The following CHRNB4 variants were observed in gnomAD, a reference collection of about 807,000 sequenced individuals.
CHRNB4 encodes the protein cholinergic receptor nicotinic beta 4 subunit.
A neutral mutation model predicts 40.4 loss-of-function variants in CHRNB4; 23 were observed. The ratio of observed to expected loss-of-function variants is 0.57; its 90% CI spans 0.41 to 0.81. The LOEUF (loss-of-function observed/expected upper bound fraction) is 0.81, where lower values mean the gene tolerates loss of function less well. CHRNB4 is among the 30% of genes least tolerant of loss of function. The pLI is 0.00. For synonymous variants in CHRNB4, 285 were observed against 274.4 expected, an observed-to-expected ratio of 1.04 and a Z score of -0.38; for missense variants, 568 against 670.6, an observed-to-expected ratio of 0.85 and a Z score of 1.69.
chr15:78,626,096 G>T, intron 5 of CHRNB4: 1 of 152,444 alleles, frequency 6.6e-6, no homozygotes, highest in Non-Finnish European at 1.5e-5. Flanking sequence ...TCGGAGATCA[G>T]CAGAGGCTCT....
intron 5 of CHRNB4, among the ~76,000 whole-genome samples, chr15:78,653,720 T>C (rs1178111267): frequency 1.3e-5 from 2 of 152,212 alleles, no homozygotes; most frequent in African/African-American, 4.8e-5. Flanking sequence ...GCGAGAGTCC[T>C]AGGGCCTGCC....
At chr15:78,631,420 C>G in intron 2 of CHRNB4, 88 bp from the exon 3 acceptor site, 1 of 1,361,462 alleles carries the variant, frequency 7.3e-7, no homozygotes, top group Non-Finnish European at 1.0e-6. Context: ...GCTGTGAGCT[C>G]CAGGCCCACG....
At chr15:78,652,593 A>C (rs2054182536) in exon 6 of CHRNB4, 1 of 152,234 alleles carries the variant, frequency 6.6e-6, no homozygotes, top group Admixed American at 6.5e-5. Context: ...TCAGTCTCAG[A>C]GAATCCTCTC....
At chr15:78,632,180 T>C (rs552435309) in intron 2 of CHRNB4, among the ~76,000 whole-genome samples, 3 of 13,470 alleles carry the variant, frequency 2.2e-4, no homozygotes, top group African/African-American at 7.9e-4. Context: ...TCTCTTTCTT[T>C]CTTTCTTTCT....
chr15:78,640,603 G>A (rs2054048785), intron 1 of CHRNB4, among the ~76,000 whole-genome samples: 1 of 152,228 alleles, frequency 6.6e-6, no homozygotes, highest in African/African-American at 2.4e-5. Context: ...CTCTAAGGCT[G>A]AGCAGCAGAT....
upstream of CHRNB4, among the ~76,000 whole-genome samples, chr15:78,641,830 A>G (rs1461545971): frequency 3.3e-5 from 5 of 152,310 alleles, no homozygotes; most frequent in Middle Eastern, 3.4e-3. Context: ...TGGGCTGAAC[A>G]GAGGCCGCTC....
chr15:78,632,173 CTTT>C (rs2053829773), intron 2 of CHRNB4, among the ~76,000 whole-genome samples: 5 of 7,674 alleles, frequency 6.5e-4, no homozygotes, highest in African/African-American at 1.7e-3. Flanking sequence ...TTTTCTTTCT[CTTT>C]CTTTCTTTCT....
chr15:78,634,586 C>T (rs1596109475), intron 2 of CHRNB4: 1 of 404,604 alleles, frequency 2.5e-6, no homozygotes, highest in Non-Finnish European at 5.0e-6. Context: ...GCCAACCGTG[C>T]TAGAGAGAGA....
At position 78,641,015 on chromosome 15, in the gene CHRNB4, G is replaced by A; in HGVS notation, c.55+64C>T. The A allele has an allele frequency of 2.7e-6, 4 of 1,496,300 alleles. No homozygotes were observed. In the South Asian group the frequency reaches 3.6e-5, roughly 14 times the overall value. The allele number at this position is 1,496,300 out of a possible 1,614,324, so 92.7% of individuals were successfully genotyped here. A position where few individuals can be genotyped will look rare whatever the true frequency, so the allele number is the denominator to read the frequency against. Reference sequence around the variant, plus strand: ...GCACCCTCCCTTCCCTCCCACCTGTGGCCAGTCCAGCCCCTTTCAGCCCAA... The same window carrying A: ...GCACCCTCCCTTCCCTCCCACCTGTAGCCAGTCCAGCCCCTTTCAGCCCAA... On this transcript the variant is annotated intron_variant, in intron 1 of 5. Transcript: ENST00000261751.
In CHRNB4 at chr15:78,647,084, G is replaced by A. The variant is rs117846735; in HGVS notation, c.46+2295C>T. ...GAGCCCAGGAGTTTGAGGCTGCAGT[G>A]AGTTGTGATTGAGCCACTGCACTCC... On this transcript the variant is annotated intron_variant and NMD_transcript_variant, in intron 7 of 11. Transcript: ENST00000559849. Among the ~76,000 whole-genome samples the A allele has an allele frequency of 0.011, 1,692 of 152,330 alleles. 218 individuals are homozygous for A. In the East Asian group the frequency reaches 0.29, roughly 26 times the overall value.
intron 5 of CHRNB4, among the ~76,000 whole-genome samples, chr15:78,653,213 AT>A (rs917134312): frequency 6.6e-6 from 1 of 152,242 alleles, no homozygotes; most frequent in African/African-American, 2.4e-5. Flanking sequence ...TCAATCAGTC[AT>A]AACTAATGAT....
At chr15:78,660,206 T>TA (rs34647677) in intron 1 of CHRNB4, among the ~76,000 whole-genome samples, 28,538 of 143,536 alleles carry the variant, frequency 0.2, 4,110 homozygotes, top group East Asian at 0.6. Context: ...GACTCCGTCT[T>TA]AAAAAAAAAA....
intron 1 of CHRNB4, among the ~76,000 whole-genome samples, chr15:78,638,325 G>A (rs544142438): frequency 6.6e-6 from 1 of 152,350 alleles, no homozygotes; most frequent in East Asian, 1.9e-4. Flanking sequence ...ACCAGCTGTG[G>A]GCTTGAGTTA....
intron 1 of CHRNB4, among the ~76,000 whole-genome samples, chr15:78,635,969 G>A (rs1402467124): frequency 6.6e-6 from 1 of 152,028 alleles, no homozygotes; most frequent in Non-Finnish European, 1.5e-5. Context: ...GTGCGGTGGT[G>A]TGATCTCGGC....
At chr15:78,651,534 G>C (rs1355583520) in intron 6 of CHRNB4, among the ~76,000 whole-genome samples, 1 of 152,212 alleles carries the variant, frequency 6.6e-6, no homozygotes, top group Admixed American at 6.5e-5. Flanking sequence ...GGTCCCACCA[G>C]AAGCTGGACA....
In CHRNB4 at chr15:78,647,578, G is replaced by A. The variant is rs376483142; in HGVS notation, c.46+1801C>T. Among the ~76,000 whole-genome samples the A allele has an allele frequency of 7.3e-5, 11 of 151,624 alleles. No homozygotes were observed. The South Asian group carries it at 1.2e-3, about 17-fold the overall frequency. On this transcript the variant is annotated intron_variant and NMD_transcript_variant, in intron 7 of 11. Coordinates refer to the CHRNB4 transcript ENST00000559849. ...AGAAAGAGATTCAGCCGGGTGCAGT[G>A]GCTCACGCCTGTAATCCCAGCACTT...
At chr15:78,653,712 G>T (rs1414387936) in intron 5 of CHRNB4, among the ~76,000 whole-genome samples, 2 of 152,182 alleles carry the variant, frequency 1.3e-5, no homozygotes, top group Non-Finnish European at 2.9e-5. Context: ...TGAGCACAGC[G>T]AGAGTCCTAG....
At chr15:78,658,618 A>T (rs1052164692) in intron 1 of CHRNB4, among the ~76,000 whole-genome samples, 4 of 152,210 alleles carry the variant, frequency 2.6e-5, no homozygotes, top group Admixed American at 2.6e-4. Flanking sequence ...AGAAAGTTGT[A>T]ATAACTAAGT....
rs75759948 is a variant in CHRNB4 at position 78,638,471 on chromosome 15, C to T, written c.55+2608G>A. 1.6e-3 allele frequency among the ~76,000 whole-genome samples: 249 copies of T among 152,348 alleles called. 1 individual carries two copies. The East Asian group carries it at 0.032, about 20-fold the overall frequency. ...GGAACCAGGTATAGGAGCCTCTTTC[C>T]GACAGAGGTCTTCCCTGACCCCTGA... On this transcript the variant is annotated intron_variant, in intron 1 of 5. Transcript: ENST00000261751.
Sources: gnomAD v4.1 joint callset for allele counts (sites outside exome capture counted in the v4.1 genomes callset) on GRCh38, gnomAD v4.1.1 for gene constraint, MANE v1.5 for transcripts, NCBI Gene and HGNC (gene_info 2026-07-23, HGNC 2026-07-21) for gene names.